Variants in CTNNA3 observed in about 807,000 individuals in gnomAD.
The protein encoded by CTNNA3 is catenin alpha 3, also known as catenin alpha-3.
In CTNNA3, 76 loss-of-function variants were observed where a neutral mutation model predicts 95.7. The observed-to-expected ratio is 0.79, with a 90% CI of 0.66 to 0.96. The LOEUF is 0.96. Among genes scored for constraint, CTNNA3 ranks in the 40% least tolerant of loss-of-function variants. The pLI, the probability that CTNNA3 is intolerant of heterozygous loss-of-function variation, is 0.00. For synonymous variants in CTNNA3, 431 were observed against 374.4 expected, an observed-to-expected ratio of 1.15 and a Z score of -1.74; for missense variants, 1,191 against 1,089.8, an observed-to-expected ratio of 1.09 and a Z score of -1.31.
chr10:66,121,354 A>AAT (rs1359616288), intron 13 of CTNNA3, among the ~76,000 whole-genome samples: 1 of 152,166 alleles, frequency 6.6e-6, no homozygotes, highest in Non-Finnish European at 1.5e-5. Flanking sequence ...TGTAGCTAGA[A>AAT]ATAGGTATTT....
At chr10:67,497,777 GTTGT>G (rs1234278662) in intron 5 of CTNNA3, among the ~76,000 whole-genome samples, 1 of 152,122 alleles carries the variant, frequency 6.6e-6, no homozygotes, top group East Asian at 1.9e-4. Flanking sequence ...TTTTGATGGG[GTTGT>G]TTGTTTGTTT....
At chr10:67,511,284 A>AT (rs1839617789) in intron 5 of CTNNA3, among the ~76,000 whole-genome samples, 1 of 152,146 alleles carries the variant, frequency 6.6e-6, no homozygotes, top group Non-Finnish European at 1.5e-5. Context: ...TTCAAAAGGA[A>AT]TGAATGCTTC....
chr10:66,003,745 A>C (rs2078821672), intron 15 of CTNNA3, among the ~76,000 whole-genome samples: 2 of 152,198 alleles, frequency 1.3e-5, no homozygotes, highest in African/African-American at 4.8e-5. Flanking sequence ...TTTTGTACTG[A>C]AAACATAACA....
chr10:66,041,291 G>A (rs570450249), intron 15 of CTNNA3, among the ~76,000 whole-genome samples: 9 of 152,186 alleles, frequency 5.9e-5, no homozygotes, highest in Admixed American at 6.5e-5. Flanking sequence ...GATTGGAGGA[G>A]CCAAAGGAGA....
chr10:67,699,806 G>A (rs1002541711), upstream of CTNNA3, among the ~76,000 whole-genome samples: 5 of 152,230 alleles, frequency 3.3e-5, no homozygotes, highest in South Asian at 4.1e-4. Flanking sequence ...TTCGCGAGCC[G>A]AAGTCGGGCA....
At chr10:67,748,459 T>C (rs1048099233) in intron 1 of CTNNA3, among the ~76,000 whole-genome samples, 2 of 152,112 alleles carry the variant, frequency 1.3e-5, no homozygotes, top group African/African-American at 4.8e-5. Flanking sequence ...TCAACATTCT[T>C]AAAGAAAAGA....
intron 2 of CTNNA3, among the ~76,000 whole-genome samples, chr10:67,625,151 C>A (rs528705979): frequency 6.6e-6 from 1 of 152,172 alleles, no homozygotes; most frequent in South Asian, 2.1e-4. Context: ...ACACTCTGTT[C>A]CAAATGTGCC....
In CTNNA3 at chr10:66,541,807, A is replaced by T. The variant is rs564032936; in HGVS notation, c.1375-21034T>A. On this transcript the variant is annotated intron_variant, in intron 10 of 17. Coordinates refer to ENST00000433211, the MANE Select transcript of CTNNA3 (RefSeq NM_013266.4). ...ACTTTACAACACGTAAGAGATTTAT[A>T]CTATTAAATAGCTGTTAAAGACTAA... Among the ~76,000 whole-genome samples, 5 of 152,270 alleles carry T rather than the reference A, an allele frequency of 3.3e-5. No homozygotes were observed. In the South Asian group the frequency reaches 1.0e-3, roughly 32 times the overall value.
chr10:67,080,564 T>C (rs1056313425), intron 7 of CTNNA3, among the ~76,000 whole-genome samples: 1 of 152,144 alleles, frequency 6.6e-6, no homozygotes, highest in African/African-American at 2.4e-5. Flanking sequence ...GCTTGCTTAT[T>C]GGATTTATTC....
chr10:66,136,759 T>C (rs992375597), intron 13 of CTNNA3, among the ~76,000 whole-genome samples: 6 of 152,026 alleles, frequency 3.9e-5, no homozygotes, highest in Non-Finnish European at 5.9e-5. Flanking sequence ...TTTGGTAAAA[T>C]AATTAAGAAG....
At chr10:66,032,234 T>C (rs1379972240) in intron 15 of CTNNA3, among the ~76,000 whole-genome samples, 1 of 152,142 alleles carries the variant, frequency 6.6e-6, no homozygotes, top group African/African-American at 2.4e-5. Context: ...GAAAAGTAAA[T>C]GGCTTAGAGA....
At chr10:66,718,928 A>G (rs1269450648) in intron 9 of CTNNA3, among the ~76,000 whole-genome samples, 1 of 152,148 alleles carries the variant, frequency 6.6e-6, no homozygotes, top group Non-Finnish European at 1.5e-5. Flanking sequence ...TTTACCACTA[A>G]AGTAACATAG....
intron 1 of CTNNA3, among the ~76,000 whole-genome samples, chr10:67,693,869 T>C (rs958948470): frequency 1.3e-5 from 2 of 152,212 alleles, no homozygotes; most frequent in African/African-American, 4.8e-5. Context: ...CTCTGACTCC[T>C]ACCATAGCCA....
At chr10:66,724,239 C>T (rs1327005579) in intron 9 of CTNNA3, among the ~76,000 whole-genome samples, 2 of 152,202 alleles carry the variant, frequency 1.3e-5, no homozygotes, top group East Asian at 3.8e-4. Context: ...CTTACAAACC[C>T]TATTCATGCT....
At chr10:66,004,249 T>A (rs1041381390) in intron 15 of CTNNA3, among the ~76,000 whole-genome samples, 1 of 152,216 alleles carries the variant, frequency 6.6e-6, no homozygotes, top group Non-Finnish European at 1.5e-5. Context: ...AAACAAGATA[T>A]TCCCAGCCGT....
chr10:67,736,553 T>C (rs966103912), intron 1 of CTNNA3, among the ~76,000 whole-genome samples: 10 of 151,052 alleles, frequency 6.6e-5, no homozygotes, highest in Middle Eastern at 6.8e-3. Flanking sequence ...CCTCCCAGTT[T>C]CACGCCATTC....
In CTNNA3 at chr10:66,880,725, T is replaced by C. The variant is rs1844817029; in HGVS notation, c.1048-105201A>G. The stretch of plus-strand genomic sequence containing the variant: ...TTTCATTAGATTAACTGTGGGTTTT[T>C]TAATCATAATATTAATTAAGTCTTT... On this transcript the variant is annotated intron_variant, in intron 7 of 17. Coordinates refer to ENST00000433211, the MANE Select transcript of CTNNA3 (RefSeq NM_013266.4). Among the ~76,000 whole-genome samples, 5 of 152,132 alleles carry C rather than the reference T, an allele frequency of 3.3e-5. No homozygotes were observed. The South Asian group carries it at 1.0e-3, about 32-fold the overall frequency.
At chr10:66,887,689 T>C (rs779209350) in intron 7 of CTNNA3, among the ~76,000 whole-genome samples, 7 of 152,190 alleles carry the variant, frequency 4.6e-5, no homozygotes, top group Non-Finnish European at 1.0e-4. Context: ...CCCAAATCTT[T>C]GTAACTTCAA....
intron 1 of CTNNA3, among the ~76,000 whole-genome samples, chr10:67,719,871 C>T (rs1287593289): frequency 6.6e-6 from 1 of 151,908 alleles, no homozygotes; most frequent in Non-Finnish European, 1.5e-5. Context: ...TTTTCTGTCT[C>T]GTTGATCTGT....
Sources: allele counts gnomAD v4.1 joint callset (sites outside exome capture counted in the v4.1 genomes callset), GRCh38; gene constraint gnomAD v4.1.1; transcripts MANE v1.5; gene names NCBI Gene and HGNC (gene_info 2026-07-23, HGNC 2026-07-21).